Variants in BEND6 observed in about 807,000 individuals in gnomAD.
The protein encoded by BEND6 is BEN domain containing 6.
Under a neutral mutation model 31.8 loss-of-function variants are expected in BEND6, and 24 were observed. The ratio of observed to expected loss-of-function variants is 0.75; its 90% CI spans 0.55 to 1.06. The LOEUF is 1.06. Among genes scored for constraint, BEND6 ranks in the 50% least tolerant of loss-of-function variants. BEND6 has a pLI of 0.00. For missense variants in BEND6, 294 were observed against 327.4 expected (o/e 0.90, Z 0.79); for synonymous variants, 109 against 114.6 (o/e 0.95, Z 0.31).
intron 2 of BEND6, among the ~76,000 whole-genome samples, chr6:56,990,230 T>G (rs998887183): frequency 6.6e-6 from 1 of 151,642 alleles, no homozygotes; most frequent in Admixed American, 6.6e-5. Context: ...TGCATGCATC[T>G]ATTTTGGGCC....
intron 1 of BEND6, among the ~76,000 whole-genome samples, chr6:56,979,134 CAT>C (rs921641303): frequency 5.9e-5 from 9 of 152,122 alleles, no homozygotes; most frequent in African/African-American, 2.2e-4. Flanking sequence ...GACAAATTTC[CAT>C]ATTTCAAAAT....
At chr6:57,003,297 C>T (rs766156762) in intron 3 of BEND6, among the ~76,000 whole-genome samples, 8 of 152,144 alleles carry the variant, frequency 5.3e-5, no homozygotes, top group Non-Finnish European at 1.0e-4. Flanking sequence ...TCTCAGAGTT[C>T]GAGATCAGCT....
intron 1 of BEND6, among the ~76,000 whole-genome samples, chr6:56,977,390 G>A (rs1183959391): frequency 6.6e-6 from 1 of 152,084 alleles, no homozygotes; most frequent in East Asian, 1.9e-4. Flanking sequence ...AAAAAACTGT[G>A]GGCAAAAATA....
intron 1 of BEND6, among the ~76,000 whole-genome samples, chr6:56,957,955 A>G (rs934453555): frequency 1.3e-5 from 2 of 152,202 alleles, no homozygotes; most frequent in African/African-American, 4.8e-5. Context: ...ATTGAAGAAC[A>G]CAGCTTAGCC....
In BEND6 at chr6:57,021,728, C is replaced by T. The variant is rs140142315; in HGVS notation, c.*9+3171C>T. On this transcript the variant is annotated intron_variant, in intron 6 of 6. Coordinates refer to ENST00000370746, the MANE Select transcript of BEND6 (RefSeq NM_152731.3). ...AACATCCAACTAAGTGACCAAACTG[C>T]CTTCTCCTGAAATTTCCAAAGCGGC... is the stretch of plus-strand genomic sequence containing the variant. Among the ~76,000 whole-genome samples the T allele has an allele frequency of 1.3e-4, 20 of 152,266 alleles. 1 individual carries two copies. In the East Asian group the frequency reaches 1.9e-3, roughly 15 times the overall value.
intron 1 of BEND6, among the ~76,000 whole-genome samples, chr6:56,962,298 C>G (rs1374769441): frequency 6.6e-6 from 1 of 152,176 alleles, no homozygotes; most frequent in African/African-American, 2.4e-5. Flanking sequence ...CCACTCTTGC[C>G]ATATTTGTGG....
chr6:56,994,389 C>T (rs549168911), intron 3 of BEND6, among the ~76,000 whole-genome samples: 1 of 122,846 alleles, frequency 8.1e-6, no homozygotes, highest in Non-Finnish European at 1.6e-5. Flanking sequence ...ACCTGGGAGG[C>T]GGAGCTTGCA....
intron 3 of BEND6, among the ~76,000 whole-genome samples, chr6:57,003,718 A>G (rs144883323): frequency 6.6e-6 from 1 of 152,318 alleles, no homozygotes; most frequent in Non-Finnish European, 1.5e-5. Context: ...CTTTGCAAAG[A>G]CACAATGAAA....
intron 1 of BEND6, among the ~76,000 whole-genome samples, chr6:56,961,330 A>G (rs1825278788): frequency 6.6e-6 from 1 of 152,192 alleles, no homozygotes; most frequent in African/African-American, 2.4e-5. Context: ...AGTGCAGGTG[A>G]GTGCTGCCAC....
intron 3 of BEND6, among the ~76,000 whole-genome samples, chr6:57,013,468 G>A (rs1827417467): frequency 6.6e-6 from 1 of 152,196 alleles, no homozygotes; most frequent in South Asian, 2.1e-4. Context: ...GCTTCATAAT[G>A]TAGGCATGAT....
At chr6:56,972,425 C>T (rs1489243371) in intron 1 of BEND6, among the ~76,000 whole-genome samples, 1 of 152,036 alleles carries the variant, frequency 6.6e-6, no homozygotes, top group Non-Finnish European at 1.5e-5. Flanking sequence ...AATTTTATAA[C>T]TAATTTGTTT....
At position 56,969,420 on chromosome 6, in the gene BEND6, A is replaced by G. The variant is rs190195941; in HGVS notation, c.-100-12291A>G. Among the ~76,000 whole-genome samples, 110 of 152,338 alleles carry G rather than the reference A, an allele frequency of 7.2e-4. 1 individual carries two copies. The highest frequency in any genetic ancestry group is 2.2e-3 in the African/African-American group (93 of 41,584). On this transcript the variant is annotated intron_variant, in intron 1 of 6. Coordinates refer to ENST00000370746, the MANE Select transcript of BEND6 (RefSeq NM_152731.3). ...GAAATCATTAAGCCAGCCACTGGCT[A>G]TTTAGAATTATATTGGCACTAGTTT... is the stretch of plus-strand genomic sequence containing the variant.
intron 2 of BEND6, among the ~76,000 whole-genome samples, chr6:56,986,918 G>A (rs954328160): frequency 6.7e-6 from 1 of 150,152 alleles, no homozygotes; most frequent in African/African-American, 2.5e-5. Context: ...CTTCTATAAT[G>A]TTCTGGCACC....
chr6:57,009,385 G>T (rs925504552), intron 3 of BEND6: 3 of 152,018 alleles, frequency 2.0e-5, no homozygotes, highest in African/African-American at 4.8e-5. Context: ...ATCATTATTT[G>T]CCCTATGAAA....
chr6:56,956,025 G>GA (rs911829438), intron 1 of BEND6, among the ~76,000 whole-genome samples: 3 of 152,236 alleles, frequency 2.0e-5, no homozygotes, highest in African/African-American at 7.2e-5. Context: ...ACCTGGCCAG[G>GA]AAGCGGCTGC....
chr6:57,001,410 AC>A (rs1483796040), intron 3 of BEND6, among the ~76,000 whole-genome samples: 1 of 152,118 alleles, frequency 6.6e-6, no homozygotes, highest in Non-Finnish European at 1.5e-5. Context: ...GTGATCCACT[AC>A]CTTGGGTTCT....
intron 5 of BEND6, 138 bp from the exon 6 acceptor site, chr6:57,018,283 G>A: frequency 1.2e-6 from 1 of 831,402 alleles, no homozygotes; most frequent in Non-Finnish European, 1.7e-6. Context: ...TGTTTAAATA[G>A]CTCATGGGTG....
chr6:57,010,235 T>G (rs1365658568), intron 3 of BEND6: 1 of 152,146 alleles, frequency 6.6e-6, no homozygotes, highest in African/African-American at 2.4e-5. Context: ...AAAATCCGAC[T>G]GTAGGAAATT....
chr6:56,959,413 C>A (rs1825211698), intron 1 of BEND6, among the ~76,000 whole-genome samples: 1 of 152,186 alleles, frequency 6.6e-6, no homozygotes, highest in South Asian at 2.1e-4. Flanking sequence ...CACACAAGGA[C>A]ATTACATTGA....
Sources: allele counts gnomAD v4.1 joint callset (sites outside exome capture counted in the v4.1 genomes callset), GRCh38; gene constraint gnomAD v4.1.1; transcripts MANE v1.5; gene names NCBI Gene and HGNC (gene_info 2026-07-23, HGNC 2026-07-21).